The following NEK9 variants were observed in gnomAD, a reference collection of about 807,000 sequenced individuals.
NEK9 encodes serine/threonine-protein kinase Nek9.
In NEK9, 75 loss-of-function variants were observed where a neutral mutation model predicts 123.4. The observed-to-expected ratio is 0.61, with a 90% CI of 0.50 to 0.74. NEK9 has a LOEUF of 0.74. NEK9 is among the 30% of genes least tolerant of loss of function. NEK9 has a pLI of 0.00. For synonymous variants in NEK9, 438 were observed against 458.7 expected (o/e 0.95, Z 0.58); for missense variants, 952 against 1,214.4 (o/e 0.78, Z 3.21).
chr14:75,111,197 G>C (rs2139778872), intron 8 of NEK9, among the ~76,000 whole-genome samples: 1 of 152,096 alleles, frequency 6.6e-6, no homozygotes, highest in Middle Eastern at 3.4e-3. Flanking sequence ...TCTTGGCCTG[G>C]CATGCAAGAT....
intron 17 of NEK9, chr14:75,096,839 C>A (rs1348569850): frequency 1.7e-5 from 5 of 298,770 alleles, no homozygotes; most frequent in South Asian, 1.5e-4. Flanking sequence ...CAAAAAAAAA[C>A]AACCAAAAAA....
intron 10 of NEK9, among the ~76,000 whole-genome samples, chr14:75,109,239 A>G (rs948023517): frequency 6.6e-6 from 1 of 152,198 alleles, no homozygotes; most frequent in Non-Finnish European, 1.5e-5. Context: ...CAAATTCTAC[A>G]CAAAATATAC....
At chr14:75,111,657 G>A (rs1042520454) in intron 8 of NEK9, among the ~76,000 whole-genome samples, 9 of 152,164 alleles carry the variant, frequency 5.9e-5, no homozygotes, top group African/African-American at 1.2e-4. Flanking sequence ...TTGGGAGGCC[G>A]ATGCAGGCAG....
chr14:75,101,419 GT>G (rs1894575392), intron 15 of NEK9, among the ~76,000 whole-genome samples: 1 of 152,288 alleles, frequency 6.6e-6, no homozygotes, highest in African/African-American at 2.4e-5. Context: ...CTTATAAAAG[GT>G]GCTAATCAGA....
intron 16 of NEK9, among the ~76,000 whole-genome samples, chr14:75,098,246 A>T (rs1894453235): frequency 6.6e-6 from 1 of 152,148 alleles, no homozygotes; most frequent in Non-Finnish European, 1.5e-5. Context: ...CTGGGCAGAA[A>T]ATCAGAAGTT....
chr14:75,091,272 T>C lies in NEK9; in HGVS notation c.2440A>G (p.Lys814Glu), dbSNP rs199604188. ...GTTACTTCTTCCAAAGGAATTACCT[T>C]TCGAAGCCAGCCAGGACAGGAGCTG... ...ASSSCPGWLR[K>E]ELENAEFIPM... The change falls in exon 19 of 22, where the codon AAG becomes GAG. Residue 814 changes from lysine (K) to glutamate (E), a missense_variant and splice_region_variant. Physicochemically the swap from Lys to Glu is moderately conservative, Grantham distance 56 (BLOSUM62 1). Transcript: ENST00000238616. The C allele has an allele frequency of 2.3e-4, 374 of 1,605,942 alleles. No homozygotes were observed. Among genetic ancestry groups the C allele is most frequent in the Middle Eastern group, 5.0e-4 (3 of 5,982 alleles).
rs558198603 is a variant in NEK9 at position 75,113,454 on chromosome 14, C to T, written c.874-51G>A. ...TTCACTTAATGGAAATGGGCGACAT[C>T]GGATCTAAAGATGTTAATTAGTCAA... On this transcript the variant is annotated intron_variant, in intron 7 of 21. Coordinates refer to ENST00000238616, the MANE Select transcript of NEK9 (RefSeq NM_033116.6). 127 of 1,293,282 alleles carry T rather than the reference C, an allele frequency of 9.8e-5. No homozygotes were observed. In the East Asian group the frequency reaches 1.1e-3, roughly 11 times the overall value. The allele number at this position is 1,293,282 out of a possible 1,614,324, so 80.1% of individuals were successfully genotyped here. A position where few individuals can be genotyped will look rare whatever the true frequency, so the allele number is the denominator to read the frequency against.
chr14:75,114,834 C>T (rs1333796985), intron 6 of NEK9, among the ~76,000 whole-genome samples: 3 of 152,002 alleles, frequency 2.0e-5, no homozygotes, highest in Non-Finnish European at 4.4e-5. Flanking sequence ...TTTAGCCTCA[C>T]TAACACCATT....
At chr14:75,118,747 A>G in intron 5 of NEK9, 83 bp downstream of exon 5, 2 of 822,282 alleles carry the variant, frequency 2.4e-6, no homozygotes, top group East Asian at 2.5e-5. Context: ...AATATTGAGA[A>G]AAGTATGCAA....
chr14:75,087,833 T>C, intron 20 of NEK9, among the ~76,000 whole-genome samples: 1 of 152,238 alleles, frequency 6.6e-6, no homozygotes, highest in Non-Finnish European at 1.5e-5. Flanking sequence ...CATAGGCCAA[T>C]TCTGGCCCAC....
intron 16 of NEK9, among the ~76,000 whole-genome samples, chr14:75,097,827 G>A (rs984375357): frequency 2.0e-5 from 3 of 152,138 alleles, no homozygotes; most frequent in Non-Finnish European, 4.4e-5. Flanking sequence ...AGAGTTTCCA[G>A]GCAGAGAGAA....
At chr14:75,097,582 G>A (rs1476144310) in intron 16 of NEK9, among the ~76,000 whole-genome samples, 1 of 152,228 alleles carries the variant, frequency 6.6e-6, no homozygotes, top group Non-Finnish European at 1.5e-5. Context: ...TGCATGGGGT[G>A]ATAGAGCAGT....
intron 8 of NEK9, among the ~76,000 whole-genome samples, chr14:75,112,980 G>A (rs1172912173): frequency 2.0e-5 from 3 of 152,144 alleles, no homozygotes; most frequent in South Asian, 2.1e-4. Context: ...AAGAAATAAC[G>A]ATGTTAAATA....
At chr14:75,114,369 C>G in intron 6 of NEK9, 56 bp from the exon 7 acceptor site, 1 of 1,349,556 alleles carries the variant, frequency 7.4e-7, no homozygotes, top group Non-Finnish European at 1.1e-6. Context: ...ATGCTATACT[C>G]TACTGGTAGG....
chr14:75,095,308 A>C (rs1413529330), intron 18 of NEK9, 64 bp downstream of exon 18: 5 of 1,168,334 alleles, frequency 4.3e-6, no homozygotes, highest in Non-Finnish European at 6.3e-6. Context: ...TGGAGTCTAC[A>C]TGGAATCTAA....
rs1893907429 is a variant in NEK9, at chr14:75,082,861, C to T, written c.*1703G>A. The T allele has an allele frequency of 2.5e-6, 1 of 397,844 alleles. No homozygotes were observed. Among genetic ancestry groups the T allele is most frequent in the Non-Finnish European group, 4.4e-6 (1 of 225,988 alleles). 24.6% of individuals were successfully genotyped at this position (397,844 alleles called of 1,614,324 possible). A position where few individuals can be genotyped will look rare whatever the true frequency, so the allele number is the denominator to read the frequency against. On this transcript the variant is annotated 3_prime_UTR_variant, in exon 22 of 22. Coordinates refer to ENST00000238616, the MANE Select transcript of NEK9 (RefSeq NM_033116.6). Reference sequence around the variant, plus strand: ...AGTTTATGACAACCCCCGCAAGTCCCCAGAACTTGCAACTTTAATCAAAGT... The same window carrying T: ...AGTTTATGACAACCCCCGCAAGTCCTCAGAACTTGCAACTTTAATCAAAGT...
Position 75,087,241 on chromosome 14 carries a change from A to C in NEK9, c.2605-11T>G. 6.3e-7 allele frequency: 1 copy of C among 1,593,782 alleles called. No homozygotes were observed. The highest frequency in any genetic ancestry group is 1.1e-5 in the South Asian group (1 of 90,576). ...ATTCAGCCGAGGTGACTAGAGAGACAAGAAGGAGATTGCAGGAGGTTCTGC... is the reference window on the plus strand; with the variant it reads ...ATTCAGCCGAGGTGACTAGAGAGACCAGAAGGAGATTGCAGGAGGTTCTGC... On this transcript the variant is annotated splice_polypyrimidine_tract_variant and intron_variant, in intron 20 of 21. Coordinates refer to ENST00000238616, the MANE Select transcript of NEK9 (RefSeq NM_033116.6).
At chr14:75,107,986 T>C (rs1220087448) in intron 10 of NEK9, among the ~76,000 whole-genome samples, 1 of 152,166 alleles carries the variant, frequency 6.6e-6, no homozygotes, top group Non-Finnish European at 1.5e-5. Flanking sequence ...TACAGGAATA[T>C]AGCTTCTTGA....
intron 7 of NEK9, 64 bp downstream of exon 7, chr14:75,114,139 A>G: frequency 8.5e-7 from 1 of 1,176,456 alleles, no homozygotes; most frequent in Non-Finnish European, 1.3e-6. Flanking sequence ...GCTATGCCAT[A>G]CACCAAACAC....
Sources: gnomAD v4.1 joint callset for allele counts (sites outside exome capture counted in the v4.1 genomes callset) on GRCh38, gnomAD v4.1.1 for gene constraint, MANE v1.5 for transcripts, NCBI Gene and HGNC (gene_info 2026-07-23, HGNC 2026-07-21) for gene names.